RBFOX3: variants seen among roughly 807,000 people sequenced by gnomAD.
RBFOX3 encodes the protein RNA binding protein fox-1 homolog 3.
A neutral mutation model predicts 48.7 loss-of-function variants in RBFOX3; 17 were observed. The ratio of observed to expected loss-of-function variants is 0.35; its 90% CI spans 0.24 to 0.52. The LOEUF (loss-of-function observed/expected upper bound fraction) is 0.52. Ranked by LOEUF, RBFOX3 falls within the 20% of genes least tolerant of loss-of-function variation. The pLI is 0.94. For missense variants in RBFOX3, 382 were observed against 497.5 expected (o/e 0.77, Z 2.21); for synonymous variants, 212 against 209.5 (o/e 1.01, Z -0.10).
At chr17:79,371,899 C>T (rs1220026860) in intron 2 of RBFOX3, among the ~76,000 whole-genome samples, 3 of 152,072 alleles carry the variant, frequency 2.0e-5, no homozygotes, top group African/African-American at 7.2e-5. Context: ...AAGCATTGTT[C>T]AATTCATACC....
chr17:79,122,084 G>A (rs1202675408), intron 4 of RBFOX3, among the ~76,000 whole-genome samples: 1 of 141,050 alleles, frequency 7.1e-6, no homozygotes, highest in Non-Finnish European at 1.5e-5. Context: ...GTCCTAATCT[G>A]GGGGTCACCC....
chr17:79,593,842 G>A (rs2145161429), intron 1 of RBFOX3, among the ~76,000 whole-genome samples: 1 of 152,286 alleles, frequency 6.6e-6, no homozygotes, highest in South Asian at 2.1e-4. Context: ...CAAGGGCCAG[G>A]AGAGGAAATT....
chr17:79,146,202 A>G (rs1480876618), intron 4 of RBFOX3, among the ~76,000 whole-genome samples: 2 of 152,096 alleles, frequency 1.3e-5, no homozygotes, highest in African/African-American at 2.4e-5. Flanking sequence ...CAAGCCATGG[A>G]GGGGTTGAAG....
At chr17:79,507,064 T>C (rs1402237175) in intron 1 of RBFOX3, among the ~76,000 whole-genome samples, 1 of 152,106 alleles carries the variant, frequency 6.6e-6, no homozygotes, top group Non-Finnish European at 1.5e-5. Context: ...CTGGGAGCCC[T>C]GGGGGCAGGA....
At position 79,418,348 on chromosome 17, in the gene RBFOX3, A is replaced by G. The variant is rs1051618323; in HGVS notation, c.-175+64106T>C. ...CGCGTGCACACACGTTTCCCACACTAAAAGTTGGCCACGTTCTTCCTACAG... is the reference window on the plus strand; with the variant it reads ...CGCGTGCACACACGTTTCCCACACTGAAAGTTGGCCACGTTCTTCCTACAG... On this transcript the variant is annotated intron_variant, in intron 2 of 14. Transcript: ENST00000693108. This position sits in a 1 kb window ranked among gnomAD's most constrained non-coding sequence, Gnocchi z 5.0. 1.3e-5 allele frequency among the ~76,000 whole-genome samples: 2 copies of G among 152,244 alleles called. No homozygotes were observed. Among genetic ancestry groups the G allele is most frequent in the Non-Finnish European group, 2.9e-5 (2 of 68,018 alleles).
chr17:79,637,790 A>C, the RBFOX3 span, among the ~76,000 whole-genome samples: 1 of 33,652 alleles, frequency 3.0e-5, no homozygotes, highest in Admixed American at 4.3e-4. Flanking sequence ...AGGGAGGGGA[A>C]GAGAAGGGAA....
intron 4 of RBFOX3, among the ~76,000 whole-genome samples, chr17:79,131,339 T>A (rs1599580080): frequency 6.6e-6 from 1 of 152,246 alleles, no homozygotes; most frequent in Non-Finnish European, 1.5e-5. Context: ...GGAACAGCGC[T>A]AGAGCGTCTG....
intron 3 of RBFOX3, among the ~76,000 whole-genome samples, chr17:79,298,846 T>C (rs754102194): frequency 2.6e-4 from 39 of 152,100 alleles, no homozygotes; most frequent in Non-Finnish European, 5.0e-4. Flanking sequence ...GGCTGTGGTG[T>C]GGGCATCACT....
Position 79,565,875 on chromosome 17 carries a change from T to G in RBFOX3, c.-320+44951A>C, listed in dbSNP as rs1057193095. Reference sequence around the variant, plus strand: ...TCACACTGCTGGCTCACGCTACAGCTTGCTAAGTCATACATGCAACCAGCT... The same window carrying G: ...TCACACTGCTGGCTCACGCTACAGCGTGCTAAGTCATACATGCAACCAGCT... On this transcript the variant is annotated intron_variant, in intron 1 of 14. Coordinates refer to ENST00000693108, the MANE Select transcript of RBFOX3 (RefSeq NM_001350451.2). Among the ~76,000 whole-genome samples the G allele has an allele frequency of 7.5e-3, 1,137 of 152,320 alleles. 9 individuals carry two copies. Among genetic ancestry groups the G allele is most frequent in the African/African-American group, 0.026 (1,100 of 41,578 alleles).
At chr17:79,167,729 G>C (rs1288832985) in intron 4 of RBFOX3, among the ~76,000 whole-genome samples, 7 of 152,192 alleles carry the variant, frequency 4.6e-5, no homozygotes, top group Admixed American at 2.0e-4. Flanking sequence ...CTCCCCATCA[G>C]CTGCCCTGGG....
Position 79,307,157 on chromosome 17 carries a change from C to T in RBFOX3, c.-74+567G>A, listed in dbSNP as rs556383668. Among the ~76,000 whole-genome samples, 457 of 152,354 alleles carry T rather than the reference C, an allele frequency of 3.0e-3. 3 individuals are homozygous for T. The Middle Eastern group carries it at 0.068, about 23-fold the overall frequency. On this transcript the variant is annotated intron_variant, in intron 3 of 14. Transcript: ENST00000693108. ...AATATAGGCTGCGGCCACCTCGGGG[C>T]GCGGAAGGAGGGCCTCGCATGAGCA... is the stretch of plus-strand genomic sequence containing the variant.
chr17:79,385,831 A>G (rs763081338), intron 2 of RBFOX3, among the ~76,000 whole-genome samples: 5 of 150,746 alleles, frequency 3.3e-5, no homozygotes, highest in Non-Finnish European at 7.4e-5. Flanking sequence ...CCATTACAGA[A>G]AGAGGCTCCA....
intron 3 of RBFOX3, among the ~76,000 whole-genome samples, chr17:79,280,480 G>T (rs1285241761): frequency 6.6e-6 from 1 of 152,178 alleles, no homozygotes; most frequent in Admixed American, 6.5e-5. Context: ...TTCCTGCGAG[G>T]CCTCCCACAC....
chr17:79,115,701 G>GGGGGGGGGGGGGT lies in RBFOX3; in HGVS notation c.14_15insACCCCCCCCCCCC (p.Tyr5Ter). On this transcript the variant is annotated stop_gained and frameshift_variant, in exon 5 of 15. Coordinates refer to ENST00000693108, the MANE Select transcript of RBFOX3 (RefSeq NM_001350451.2). LOFTEE classifies it high-confidence loss of function. ...GCGGAGGGGGGTACTGGGCGGGGGG[G>GGGGGGGGGGGGGT]TAGGGCTGGGCCATCGCTTCAGGCG... is the stretch of plus-strand genomic sequence containing the variant. 2.4e-6 allele frequency: 1 copy of GGGGGGGGGGGGGT among 415,914 alleles called. No individual in the cohort carries two copies. Among genetic ancestry groups the GGGGGGGGGGGGGT allele is most frequent in the Non-Finnish European group, 4.5e-6 (1 of 222,392 alleles). 25.8% of individuals were successfully genotyped at this position (415,914 alleles called of 1,614,324 possible). A position where few individuals can be genotyped will look rare whatever the true frequency, so the allele number is the denominator to read the frequency against.
chr17:79,339,818 A>G (rs2081775335), intron 2 of RBFOX3, among the ~76,000 whole-genome samples: 1 of 152,180 alleles, frequency 6.6e-6, no homozygotes, highest in Admixed American at 6.5e-5. Flanking sequence ...TTTTTTTGGC[A>G]TAAAACAGGA....
chr17:79,345,315 C>T (rs2082727620), intron 2 of RBFOX3, among the ~76,000 whole-genome samples: 1 of 152,082 alleles, frequency 6.6e-6, no homozygotes, highest in African/African-American at 2.4e-5. Context: ...TAGTGATGTC[C>T]CCTGCTTCAT....
intron 4 of RBFOX3, among the ~76,000 whole-genome samples, chr17:79,117,118 A>G (rs1239784730): frequency 6.6e-6 from 1 of 152,154 alleles, no homozygotes; most frequent in African/African-American, 2.4e-5. Flanking sequence ...GCTGTCCTCC[A>G]CTGCAGACAC....
Position 79,443,377 on chromosome 17 carries a change from C to A in RBFOX3, c.-175+39077G>T, listed in dbSNP as rs965304741. On this transcript the variant is annotated intron_variant, in intron 2 of 14. Coordinates refer to ENST00000693108, the MANE Select transcript of RBFOX3 (RefSeq NM_001350451.2). The surrounding 1 kb of genome is among the most constrained non-coding windows in gnomAD (Gnocchi z 4.4). The stretch of plus-strand genomic sequence containing the variant: ...ACACACAAATGCACACTCACATACA[C>A]CCTTGCCTCTTTTTTTTTTCTTTTG... Among the ~76,000 whole-genome samples the A allele has an allele frequency of 5.6e-4, 85 of 152,266 alleles. No individual in the cohort carries two copies. Among genetic ancestry groups the A allele is most frequent in the African/African-American group, 1.9e-3 (78 of 41,568 alleles).
chr17:79,440,095 T>C (rs566951305), intron 2 of RBFOX3, among the ~76,000 whole-genome samples: 4 of 152,198 alleles, frequency 2.6e-5, no homozygotes, highest in East Asian at 3.9e-4. Flanking sequence ...AACGAGGACA[T>C]GGGCCACCAG....
Sources: gnomAD v4.1 joint callset for allele counts (sites outside exome capture counted in the v4.1 genomes callset) on GRCh38, gnomAD v4.1.1 for gene constraint, Gnocchi (gnomAD v3.1) non-coding constraint, MANE v1.5 for transcripts, NCBI Gene and HGNC (gene_info 2026-07-23, HGNC 2026-07-21) for gene names.